Variants in FDFT1 observed in about 807,000 individuals in gnomAD.
FDFT1 encodes farnesyl-diphosphate farnesyltransferase 1.
Under a neutral mutation model 46.8 loss-of-function variants are expected in FDFT1, and 68 were observed. The observed-to-expected ratio is 1.45, with a 90% CI of 1.19 to 1.78. FDFT1 has a LOEUF of 1.78. Ranked by LOEUF, FDFT1 falls within the 40% of genes most tolerant of loss-of-function variation. The pLI, the probability that FDFT1 is intolerant of heterozygous loss-of-function variation, is 0.00. For synonymous variants in FDFT1, 351 were observed against 185.1 expected, an observed-to-expected ratio of 1.90 and a Z score of -7.28; for missense variants, 928 against 524.4, an observed-to-expected ratio of 1.77 and a Z score of -7.52.
intron 7 of FDFT1, among the ~76,000 whole-genome samples, chr8:11,835,481 C>CA (rs1811409961): frequency 6.6e-6 from 1 of 152,310 alleles, no homozygotes; most frequent in South Asian, 2.1e-4. Context: ...CGGGGACTGT[C>CA]ACAACCAAGA....
intron 7 of FDFT1, among the ~76,000 whole-genome samples, chr8:11,836,152 TAA>T (rs34824501): frequency 7.0e-6 from 1 of 143,592 alleles, no homozygotes; most frequent in Non-Finnish European, 1.5e-5. Flanking sequence ...GACACCATCT[TAA>T]AAAAAAAAAA....
intron 3 of FDFT1, among the ~76,000 whole-genome samples, chr8:11,817,925 C>T (rs1191743978): frequency 6.6e-6 from 1 of 151,720 alleles, no homozygotes; most frequent in African/African-American, 2.4e-5. Context: ...TTTGCTCTTG[C>T]TTTTCTAGTT....
chr8:11,797,109 G>A (rs1200389108), intron 1 of FDFT1, among the ~76,000 whole-genome samples: 1 of 152,214 alleles, frequency 6.6e-6, no homozygotes, highest in Non-Finnish European at 1.5e-5. Context: ...CGATGGCAAT[G>A]GTAAACTGAC....
rs929731072 is a variant in FDFT1, at chr8:11,838,739, C to T, written c.*130C>T. ...CTAAAAGAACGCTGTGTGGCTGGGA[C>T]CTTTAGGAAAGTGAAATGCAGGTGA... On this transcript the variant is annotated 3_prime_UTR_variant, in exon 8 of 8. Coordinates refer to ENST00000220584, the MANE Select transcript of FDFT1 (RefSeq NM_004462.5). 1 of 762,100 alleles carries T rather than the reference C, an allele frequency of 1.3e-6. No individual in the cohort carries two copies. The highest frequency in any genetic ancestry group is 2.2e-6 in the Non-Finnish European group (1 of 455,410). The allele number at this position is 762,100 out of a possible 1,614,324, so 47.2% of individuals were successfully genotyped here.
chr8:11,837,364 G>A (rs1168370264), intron 7 of FDFT1, among the ~76,000 whole-genome samples: 2 of 152,132 alleles, frequency 1.3e-5, no homozygotes, highest in African/African-American at 2.4e-5. Context: ...CAAGTAGCTG[G>A]GGGACCACAG....
At chr8:11,824,978 G>A (rs1465017527) in intron 4 of FDFT1, among the ~76,000 whole-genome samples, 1 of 151,918 alleles carries the variant, frequency 6.6e-6, no homozygotes, top group South Asian at 2.1e-4. Context: ...CTCGTGATCC[G>A]CCCGTCTCAG....
chr8:11,813,158 G>C (rs1007048306), intron 3 of FDFT1, among the ~76,000 whole-genome samples: 4 of 152,296 alleles, frequency 2.6e-5, no homozygotes, highest in African/African-American at 7.2e-5. Flanking sequence ...GGGTGTTACA[G>C]TCTTAAGGGC....
At chr8:11,800,982 A>C (rs959404319), upstream of FDFT1, among the ~76,000 whole-genome samples, 4 of 152,188 alleles carry the variant, frequency 2.6e-5, no homozygotes, top group Non-Finnish European at 5.9e-5. Context: ...CTAATACATA[A>C]GTAAATGATG....
intron 7 of FDFT1, 23 bp downstream of exon 7, chr8:11,831,693 G>T: frequency 6.3e-7 from 1 of 1,590,196 alleles, no homozygotes; most frequent in Non-Finnish European, 8.6e-7. Flanking sequence ...TTAACTACTT[G>T]GATAATTTGT....
chr8:11,805,592 GATGT>G (rs1320999177), intron 1 of FDFT1, among the ~76,000 whole-genome samples: 4 of 152,180 alleles, frequency 2.6e-5, no homozygotes, highest in African/African-American at 9.7e-5. Context: ...GTAAAATAGG[GATGT>G]ATGTATGGTA....
At chr8:11,829,410 T>C (rs556310198) in intron 5 of FDFT1, among the ~76,000 whole-genome samples, 12 of 152,352 alleles carry the variant, frequency 7.9e-5, no homozygotes, top group Admixed American at 2.6e-4. Flanking sequence ...TTTCAAGTTA[T>C]CAGGATCCAG....
At chr8:11,836,705 T>C (rs957173529) in intron 7 of FDFT1, among the ~76,000 whole-genome samples, 3 of 152,360 alleles carry the variant, frequency 2.0e-5, no homozygotes, top group Non-Finnish European at 2.9e-5. Flanking sequence ...AATAGAATTA[T>C]CTCATCACTA....
chr8:11,835,034 G>A (rs1018899402), intron 7 of FDFT1, among the ~76,000 whole-genome samples: 1 of 152,194 alleles, frequency 6.6e-6, no homozygotes, highest in Non-Finnish European at 1.5e-5. Context: ...TGAGACATGA[G>A]CATCGCTTGA....
chr8:11,808,807 GC>G lies in FDFT1; in HGVS notation c.114del (p.Ser38ArgfsTer3). 6.2e-7 allele frequency: 1 copy of G among 1,613,590 alleles called. No individual in the cohort carries two copies. Among genetic ancestry groups the G allele is most frequent in the Non-Finnish European group, 8.5e-7 (1 of 1,179,904 alleles). On this transcript the variant is annotated frameshift_variant, in exon 2 of 8. Transcript: ENST00000220584. LOFTEE classifies it high-confidence loss of function. ...MPKMDQDSLS[S>X]SLKTCYKYLN... is the part of the protein sequence containing the mutation. Reference sequence around the variant, plus strand: ...GTCTGCCCGCAGGACTCGCTCAGCAGCAGCCTGAAAACTTGCTACAAGTATC... The same window carrying G: ...GTCTGCCCGCAGGACTCGCTCAGCAGAGCCTGAAAACTTGCTACAAGTATC...
chr8:11,827,311 T>G (rs901226574), intron 5 of FDFT1, among the ~76,000 whole-genome samples: 1 of 151,946 alleles, frequency 6.6e-6, no homozygotes, highest in East Asian at 1.9e-4. Flanking sequence ...ATGATTCTGC[T>G]GAAAGAGCAA....
intron 3 of FDFT1, among the ~76,000 whole-genome samples, chr8:11,817,220 G>T (rs577902526): frequency 2.4e-4 from 37 of 152,258 alleles, no homozygotes; most frequent in African/African-American, 8.7e-4. Context: ...GGATGAAGCC[G>T]ACTTGATCGT....
upstream of FDFT1, among the ~76,000 whole-genome samples, chr8:11,800,946 C>T (rs1003537652): frequency 3.3e-5 from 5 of 151,998 alleles, no homozygotes; most frequent in Non-Finnish European, 5.9e-5. Context: ...TTTTAGTTTA[C>T]AGTAGTAGGG....
At chr8:11,823,830 A>G (rs1359388582) in intron 4 of FDFT1, among the ~76,000 whole-genome samples, 1 of 152,010 alleles carries the variant, frequency 6.6e-6, no homozygotes, top group African/African-American at 2.4e-5. Flanking sequence ...TGCAGCCTTC[A>G]CCTCCTGTGC....
chr8:11,812,364 C>T (rs1807838781), intron 3 of FDFT1, among the ~76,000 whole-genome samples: 1 of 152,140 alleles, frequency 6.6e-6, no homozygotes, highest in East Asian at 1.9e-4. Context: ...TGGCCAAGGG[C>T]TGTGTTGGGG....
Sources: gnomAD v4.1 joint callset for allele counts (sites outside exome capture counted in the v4.1 genomes callset) on GRCh38, gnomAD v4.1.1 for gene constraint, MANE v1.5 for transcripts, NCBI Gene and HGNC (gene_info 2026-07-23, HGNC 2026-07-21) for gene names.